The following PTGS1 variants were observed in gnomAD, a reference collection of about 807,000 sequenced individuals.
The protein encoded by PTGS1 is prostaglandin-endoperoxide synthase 1.
In PTGS1, 40 loss-of-function variants were observed where a neutral mutation model predicts 63.0. The observed-to-expected ratio is 0.63, with a 90% CI of 0.49 to 0.83. The LOEUF (loss-of-function observed/expected upper bound fraction) is 0.83, where lower values mean the gene tolerates loss of function less well. PTGS1 is among the 40% of genes least tolerant of loss of function. The pLI is 0.00. For synonymous variants in PTGS1, 298 were observed against 301.9 expected (o/e 0.99, Z 0.13); for missense variants, 709 against 786.5 (o/e 0.90, Z 1.18).
intron 10 of PTGS1, among the ~76,000 whole-genome samples, chr9:122,391,600 T>C (rs949586155): frequency 2.1e-4 from 32 of 151,178 alleles, no homozygotes; most frequent in African/African-American, 7.8e-4. Context: ...AGCTCCATAT[T>C]TGTCTCCCCT....
chr9:122,378,476 C>T lies in PTGS1; in HGVS notation c.255C>T (p.Pro85=). ...TWLRNSLRPS[P]SFTHFLLTHG... is the part of the protein sequence containing the mutation. Reference sequence around the variant, plus strand: ...TCCGGAATTCACTGCGGCCCAGCCCCTCTTTCACCCACTTCCTGCTCACTC... The same window carrying T: ...TCCGGAATTCACTGCGGCCCAGCCCTTCTTTCACCCACTTCCTGCTCACTC... The change falls in exon 4 of 11, where the codon CCC becomes CCT. Residue 85 remains proline (P), a synonymous_variant. Coordinates refer to ENST00000362012, the MANE Select transcript of PTGS1 (RefSeq NM_000962.4). 6.2e-7 allele frequency: 1 copy of T among 1,614,226 alleles called. No homozygotes were observed. The highest frequency in any genetic ancestry group is 8.5e-7 in the Non-Finnish European group (1 of 1,180,048).
chr9:122,392,145 G>T (rs1838321920), intron 10 of PTGS1, 44 bp from the exon 11 acceptor site: 3 of 1,512,820 alleles, frequency 2.0e-6, no homozygotes, highest in Non-Finnish European at 2.7e-6. Flanking sequence ...GACCTTAATG[G>T]CATCATGGAT....
chr9:122,390,331 T>TCC lies in PTGS1; in HGVS notation c.1431_1432dup (p.Gln478ProfsTer5). 1 of 1,614,036 alleles carries TCC rather than the reference T, an allele frequency of 6.2e-7. No homozygotes were observed. The highest frequency in any genetic ancestry group is 8.5e-7 in the Non-Finnish European group (1 of 1,179,962). On this transcript the variant is annotated frameshift_variant, in exon 10 of 11. Transcript: ENST00000362012. LOFTEE classifies it high-confidence loss of function. Reference sequence around the variant, plus strand: ...TTTGGCATGAAACCCTACACCTCCTTCCAGGAGCTCGTAGGTGAGCAGCTG... The same window carrying TCC: ...TTTGGCATGAAACCCTACACCTCCTTCCCCAGGAGCTCGTAGGTGAGCAGCTG...
In PTGS1 at chr9:122,373,862, T is replaced by G. The variant is rs1241100492; in HGVS notation, c.94+2590T>G. 3.3e-5 allele frequency among the ~76,000 whole-genome samples: 5 copies of G among 152,130 alleles called. No individual in the cohort carries two copies. The East Asian group carries it at 9.6e-4, about 29-fold the overall frequency. The stretch of plus-strand genomic sequence containing the variant: ...ACCAGTCAGGGTTCCCCACCTTTTT[T>G]TTTTTTCTCTCTGGCTGCCAGGTCC... On this transcript the variant is annotated intron_variant, in intron 2 of 10. Coordinates refer to ENST00000362012, the MANE Select transcript of PTGS1 (RefSeq NM_000962.4).
At chr9:122,384,081 G>A (rs779963914) in intron 8 of PTGS1, among the ~76,000 whole-genome samples, 4 of 152,070 alleles carry the variant, frequency 2.6e-5, no homozygotes, top group Non-Finnish European at 5.9e-5. Context: ...CCTGAGTCTC[G>A]GTTTCCCCTG....
At chr9:122,390,137 C>A (rs1838118798) in intron 9 of PTGS1, 61 bp from the exon 10 acceptor site, 1 of 1,563,638 alleles carries the variant, frequency 6.4e-7, no homozygotes, top group African/African-American at 1.4e-5. Context: ...CAGGAACTTA[C>A]CCAGGCTCCA....
intron 8 of PTGS1, among the ~76,000 whole-genome samples, chr9:122,385,205 G>T (rs566649830): frequency 6.6e-6 from 1 of 152,204 alleles, no homozygotes; most frequent in Admixed American, 6.5e-5. Context: ...TGATCCACCC[G>T]CCTTGGCATC....
chr9:122,378,226 T>C (rs1298912931), intron 3 of PTGS1, among the ~76,000 whole-genome samples: 1 of 151,980 alleles, frequency 6.6e-6, no homozygotes, highest in Non-Finnish European at 1.5e-5. Flanking sequence ...CCATGGTGAG[T>C]CTTCACCACA....
At chr9:122,384,666 C>T (rs751396618) in intron 8 of PTGS1, among the ~76,000 whole-genome samples, 1 of 152,270 alleles carries the variant, frequency 6.6e-6, no homozygotes, top group East Asian at 1.9e-4. Context: ...GAAGTGAACT[C>T]TCCAGGGACA....
intron 2 of PTGS1, among the ~76,000 whole-genome samples, chr9:122,374,252 G>A (rs1198156849): frequency 2.0e-5 from 3 of 152,150 alleles, no homozygotes; most frequent in Non-Finnish European, 2.9e-5. Context: ...TCTGCTGATG[G>A]GGCAGTTGTG....
At chr9:122,371,890 C>T (rs1836830028) in intron 2 of PTGS1, 4 of 1,310,560 alleles carry the variant, frequency 3.1e-6, no homozygotes, top group South Asian at 1.3e-5. Context: ...AGGATCTGAA[C>T]TCAGGTCTGT....
chr9:122,381,588 C>T (rs1837519199), intron 6 of PTGS1, 36 bp downstream of exon 6: 2 of 1,613,430 alleles, frequency 1.2e-6, no homozygotes, highest in Admixed American at 3.3e-5. Flanking sequence ...CTGCTCTGGA[C>T]CTAATTTGGC....
rs115941816 is a variant in PTGS1 at position 122,377,613 on chromosome 9, C to T, written c.95-286C>T. 8.1e-3 allele frequency among the ~76,000 whole-genome samples: 1,236 copies of T among 152,208 alleles called. 16 individuals carry two copies. Among genetic ancestry groups the T allele is most frequent in the African/African-American group, 0.029 (1,190 of 41,528 alleles). On this transcript the variant is annotated intron_variant, in intron 2 of 10. Transcript: ENST00000362012. ...CAGCCGGGGAATCTTCTCCTGCCGCCGTTTGGTGGCAATAGGGAGGGAGGG... is the reference window on the plus strand; with the variant it reads ...CAGCCGGGGAATCTTCTCCTGCCGCTGTTTGGTGGCAATAGGGAGGGAGGG...
intron 9 of PTGS1, among the ~76,000 whole-genome samples, chr9:122,388,419 G>A (rs1838011194): frequency 6.6e-6 from 1 of 152,158 alleles, no homozygotes. Context: ...GTTCCCATGT[G>A]ACCAATACTG....
At chr9:122,391,989 G>A (rs770792473) in intron 10 of PTGS1, among the ~76,000 whole-genome samples, 200 bp from the exon 11 acceptor site, 2 of 152,074 alleles carry the variant, frequency 1.3e-5, no homozygotes, top group Non-Finnish European at 2.9e-5. Context: ...CCTGAGGAGG[G>A]GCAATTTGTG....
rs3842801 is a variant in PTGS1 at position 122,392,160 on chromosome 9, T to C, written c.1445-29T>C. 26,778 of 1,545,860 alleles carry C rather than the reference T, an allele frequency of 0.017. 2,690 individuals carry two copies. The African/African-American group carries it at 0.26, about 15-fold the overall frequency. Reference sequence around the variant, plus strand: ...GACCTTAATGGCATCATGGATCTGATGCTAGCATTTCCCCTTATCTCCTTG... The same window carrying C: ...GACCTTAATGGCATCATGGATCTGACGCTAGCATTTCCCCTTATCTCCTTG... On this transcript the variant is annotated intron_variant, in intron 10 of 10. Coordinates refer to ENST00000362012, the MANE Select transcript of PTGS1 (RefSeq NM_000962.4).
At chr9:122,378,735 G>A (rs1195888833) in intron 4 of PTGS1, 40 bp from the exon 5 acceptor site, 4 of 1,611,974 alleles carry the variant, frequency 2.5e-6, no homozygotes, top group South Asian at 1.1e-5. Flanking sequence ...GGAGCTGGGG[G>A]TGGAAACACC....
intron 2 of PTGS1, among the ~76,000 whole-genome samples, chr9:122,375,643 A>T (rs1454586663): frequency 2.0e-5 from 3 of 152,072 alleles, no homozygotes; most frequent in African/African-American, 4.8e-5. Context: ...TGGAACCCGG[A>T]GCCAGGGCAA....
intron 2 of PTGS1, chr9:122,371,848 T>C: frequency 6.7e-7 from 1 of 1,502,764 alleles, no homozygotes; most frequent in Non-Finnish European, 8.9e-7. Context: ...GGTGCCATGA[T>C]TCCCCAAGCT....
Sources: gnomAD v4.1 joint callset for allele counts (sites outside exome capture counted in the v4.1 genomes callset) on GRCh38, gnomAD v4.1.1 for gene constraint, MANE v1.5 for transcripts, NCBI Gene and HGNC (gene_info 2026-07-23, HGNC 2026-07-21) for gene names.